The following SYT16 variants were observed in gnomAD, a reference collection of about 807,000 sequenced individuals.
SYT16 encodes synaptotagmin 16.
SYT16 carries 42 observed loss-of-function variants against 61.4 expected under a neutral mutation model. The observed-to-expected ratio is 0.68, with a 90% confidence interval of 0.53 to 0.89. SYT16 has a LOEUF of 0.89. Among genes scored for constraint, SYT16 ranks in the 40% least tolerant of loss-of-function variants. The probability of loss-of-function intolerance (pLI) is 0.00; values close to 1 mark genes in which losing one functional copy is unlikely to be tolerated. For synonymous variants in SYT16, 314 were observed against 302.3 expected, an observed-to-expected ratio of 1.04 and a Z score of -0.40; for missense variants, 804 against 807.3, an observed-to-expected ratio of 1.00 and a Z score of 0.05.
intron 3 of SYT16, among the ~76,000 whole-genome samples, chr14:62,028,064 A>G (rs907112747): frequency 1.3e-5 from 2 of 152,132 alleles, no homozygotes; most frequent in African/African-American, 2.4e-5. Flanking sequence ...GAGGTTCTCT[A>G]TATTGAGAAG....
intron 4 of SYT16, among the ~76,000 whole-genome samples, chr14:62,071,505 T>C (rs1033095685): frequency 6.6e-6 from 1 of 152,222 alleles, no homozygotes; most frequent in Non-Finnish European, 1.5e-5. Context: ...CTACATTGAA[T>C]GAAGTACCTG....
chr14:62,040,131 C>T (rs1244494792), intron 3 of SYT16, among the ~76,000 whole-genome samples: 1 of 152,036 alleles, frequency 6.6e-6, no homozygotes, highest in Admixed American at 6.6e-5. Flanking sequence ...ACCACAGCTG[C>T]AGGAATGGGG....
At chr14:62,076,058 G>A (rs1423877115) in intron 5 of SYT16, among the ~76,000 whole-genome samples, 2 of 152,178 alleles carry the variant, frequency 1.3e-5, no homozygotes, top group Non-Finnish European at 2.9e-5. Flanking sequence ...CAGAATAAAT[G>A]TAACAATCAA....
chr14:61,943,348 T>C (rs991953899), intron 1 of SYT16, among the ~76,000 whole-genome samples: 18 of 151,968 alleles, frequency 1.2e-4, no homozygotes, highest in African/African-American at 3.9e-4. Context: ...TTCCGAACAA[T>C]AGAAAAAGAA....
intron 3 of SYT16, among the ~76,000 whole-genome samples, chr14:62,039,814 A>C (rs974651863): frequency 6.8e-6 from 1 of 146,410 alleles, no homozygotes; most frequent in Non-Finnish European, 1.5e-5. Context: ...ATGGAAGCCA[A>C]ATTCAGAGGG....
intron 1 of SYT16, among the ~76,000 whole-genome samples, chr14:61,870,462 G>T (rs2140302898): frequency 1.3e-5 from 2 of 150,288 alleles, no homozygotes; most frequent in Non-Finnish European, 3.0e-5. Flanking sequence ...TGTTCTTATT[G>T]TTTCTGCTTG....
intron 7 of SYT16, among the ~76,000 whole-genome samples, chr14:62,091,497 T>C (rs1029975481): frequency 2.0e-5 from 3 of 152,212 alleles, no homozygotes; most frequent in Admixed American, 2.0e-4. Flanking sequence ...TTGCGGGTAC[T>C]ACCACAAAAT....
At chr14:61,999,536 C>A (rs556192802) in intron 3 of SYT16, among the ~76,000 whole-genome samples, 1 of 151,642 alleles carries the variant, frequency 6.6e-6, no homozygotes, top group South Asian at 2.1e-4. Context: ...TATCCACCTA[C>A]CTATCTGTGT....
intron 1 of SYT16, among the ~76,000 whole-genome samples, chr14:61,838,733 T>C (rs958889416): frequency 2.0e-5 from 3 of 152,198 alleles, no homozygotes; most frequent in African/African-American, 7.2e-5. Flanking sequence ...TGACTCTTGC[T>C]AAGGACTCAA....
intron 1 of SYT16, among the ~76,000 whole-genome samples, chr14:61,874,525 A>G (rs1217298596): frequency 6.6e-6 from 1 of 152,228 alleles, no homozygotes; most frequent in Non-Finnish European, 1.5e-5. Flanking sequence ...CAGACAAGGT[A>G]CAGAGAATAT....
chr14:62,019,798 G>A (rs960281105), intron 3 of SYT16, among the ~76,000 whole-genome samples: 14 of 152,062 alleles, frequency 9.2e-5, no homozygotes, highest in African/African-American at 3.1e-4. Context: ...GCAGTGCAGC[G>A]GGCACTGACC....
At chr14:62,071,031 A>C (rs934985036) in intron 4 of SYT16, among the ~76,000 whole-genome samples, 1 of 152,200 alleles carries the variant, frequency 6.6e-6, no homozygotes, top group Admixed American at 6.5e-5. Flanking sequence ...CTTGCTATCC[A>C]TCATGTAGTC....
At chr14:62,083,683 G>A (rs1181663206) in intron 6 of SYT16, among the ~76,000 whole-genome samples, 2 of 152,160 alleles carry the variant, frequency 1.3e-5, no homozygotes, top group African/African-American at 4.8e-5. Context: ...ACCTTAAGCA[G>A]AACTAGGAGC....
intron 2 of SYT16, among the ~76,000 whole-genome samples, chr14:61,983,571 G>T (rs959187446): frequency 3.3e-5 from 5 of 152,030 alleles, no homozygotes; most frequent in African/African-American, 1.2e-4. Flanking sequence ...TATCATCCAG[G>T]CTGGAGTGCA....
intron 3 of SYT16, among the ~76,000 whole-genome samples, chr14:62,015,348 T>G (rs2053628364): frequency 6.6e-6 from 1 of 152,196 alleles, no homozygotes; most frequent in Admixed American, 6.5e-5. Flanking sequence ...ACCACTGTAT[T>G]TCATCATCTC....
At chr14:62,038,767 CA>C (rs2054605699) in intron 3 of SYT16, among the ~76,000 whole-genome samples, 1 of 152,154 alleles carries the variant, frequency 6.6e-6, no homozygotes, top group South Asian at 2.1e-4. Context: ...AGGGCTCACC[CA>C]CATGTTACTT....
chr14:61,820,762 T>C (rs754795667), intron 1 of SYT16, among the ~76,000 whole-genome samples: 9 of 152,132 alleles, frequency 5.9e-5, no homozygotes, highest in Admixed American at 1.3e-4. Context: ...CCCTCCTGGC[T>C]CTGAAGTTTT....
At chr14:62,081,473 T>G (rs1370058128) in intron 6 of SYT16, among the ~76,000 whole-genome samples, 199 bp downstream of exon 6, 1 of 152,172 alleles carries the variant, frequency 6.6e-6, no homozygotes, top group Non-Finnish European at 1.5e-5. Flanking sequence ...GATAACCTGA[T>G]GGATAAATGC....
intron 1 of SYT16, among the ~76,000 whole-genome samples, chr14:61,838,509 C>A (rs886356634): frequency 6.6e-6 from 1 of 152,186 alleles, no homozygotes; most frequent in Non-Finnish European, 1.5e-5. Flanking sequence ...CCCCAGCTCC[C>A]ACCTACCCAG....
Sources: gnomAD v4.1 joint callset for allele counts (sites outside exome capture counted in the v4.1 genomes callset) on GRCh38, gnomAD v4.1.1 for gene constraint, MANE v1.5 for transcripts, NCBI Gene and HGNC (gene_info 2026-07-23, HGNC 2026-07-21) for gene names.